Variants in PTPRJ observed in about 807,000 individuals in gnomAD.
PTPRJ encodes protein tyrosine phosphatase receptor type J.
Under a neutral mutation model 141.3 loss-of-function variants are expected in PTPRJ, and 129 were observed. The ratio of observed to expected loss-of-function variants is 0.91; its 90% CI spans 0.79 to 1.06. The LOEUF is 1.06. PTPRJ is among the 50% of genes least tolerant of loss of function. The probability of loss-of-function intolerance (pLI) is 0.00; values close to 1 mark genes in which losing one functional copy is unlikely to be tolerated. For synonymous variants in PTPRJ, 610 were observed against 640.5 expected, an observed-to-expected ratio of 0.95 and a Z score of 0.72; for missense variants, 1,601 against 1,679.7, an observed-to-expected ratio of 0.95 and a Z score of 0.82.
intron 1 of PTPRJ, among the ~76,000 whole-genome samples, chr11:48,011,900 G>A (rs1854802725): frequency 6.6e-6 from 1 of 152,176 alleles, no homozygotes; most frequent in African/African-American, 2.4e-5. Context: ...CTGGGCTCAG[G>A]TGATCCTCCT....
chr11:48,078,121 C>T (rs773301070), intron 1 of PTPRJ, among the ~76,000 whole-genome samples: 3 of 149,334 alleles, frequency 2.0e-5, no homozygotes, highest in African/African-American at 5.0e-5. Context: ...TGCAATGGTG[C>T]GATCTTGGCT....
chr11:47,992,907 G>T (rs1176171167), intron 1 of PTPRJ, among the ~76,000 whole-genome samples: 1 of 152,088 alleles, frequency 6.6e-6, no homozygotes, highest in East Asian at 1.9e-4. Context: ...CTTATCATGG[G>T]TTCACCTGTT....
chr11:48,068,211 T>A (rs1855136342), intron 1 of PTPRJ, among the ~76,000 whole-genome samples: 1 of 152,222 alleles, frequency 6.6e-6, no homozygotes, highest in Non-Finnish European at 1.5e-5. Context: ...ATGAACATTT[T>A]AAAATCAGCT....
intron 1 of PTPRJ, among the ~76,000 whole-genome samples, chr11:48,006,238 G>T (rs767717302): frequency 2.6e-5 from 4 of 152,180 alleles, no homozygotes; most frequent in Non-Finnish European, 4.4e-5. Flanking sequence ...GGAACCTGGG[G>T]CTCTTGTGGC....
intron 1 of PTPRJ, among the ~76,000 whole-genome samples, chr11:47,982,430 A>G (rs1853934855): frequency 6.6e-6 from 1 of 152,180 alleles, no homozygotes; most frequent in Non-Finnish European, 1.5e-5. Context: ...GTAAATATTA[A>G]GGGTTTCCAC....
At chr11:48,073,464 T>G (rs1284852361) in intron 1 of PTPRJ, among the ~76,000 whole-genome samples, 1 of 152,240 alleles carries the variant, frequency 6.6e-6, no homozygotes, top group Non-Finnish European at 1.5e-5. Flanking sequence ...GATGGAGAGA[T>G]AACTGTAAGT....
intron 1 of PTPRJ, among the ~76,000 whole-genome samples, chr11:48,083,988 C>T (rs79090429): frequency 3.3e-5 from 5 of 152,274 alleles, no homozygotes; most frequent in Non-Finnish European, 5.9e-5. Context: ...ATAACCAATG[C>T]ATAAGGCCAC....
At chr11:48,000,509 C>T (rs1231873393) in intron 1 of PTPRJ, among the ~76,000 whole-genome samples, 2 of 152,002 alleles carry the variant, frequency 1.3e-5, no homozygotes, top group Admixed American at 1.3e-4. Context: ...GGCTTCATAT[C>T]GCTGTTAGTA....
In PTPRJ at chr11:48,112,129, A is replaced by G. The variant is rs116526361; in HGVS notation, c.116-618A>G. ...CAGTCATCGCATCCACACTACAGCT[A>G]TAAGAAGGAGGAAGGGCAGAAGGTT... On this transcript the variant is annotated intron_variant, in intron 2 of 24. Transcript: ENST00000418331. 5.6e-3 allele frequency among the ~76,000 whole-genome samples: 849 copies of G among 152,250 alleles called. 11 individuals are homozygous for G. Among genetic ancestry groups the G allele is most frequent in the African/African-American group, 0.02 (821 of 41,546 alleles).
At chr11:48,143,816 C>G (rs1857289534) in intron 12 of PTPRJ, among the ~76,000 whole-genome samples, 1 of 128,162 alleles carries the variant, frequency 7.8e-6, no homozygotes, top group African/African-American at 2.9e-5. Flanking sequence ...TCCTCCTCCC[C>G]TTCTCCTCCC....
At chr11:48,141,291 C>G (rs1857224037) in intron 11 of PTPRJ, among the ~76,000 whole-genome samples, 1 of 151,838 alleles carries the variant, frequency 6.6e-6, no homozygotes, top group African/African-American at 2.4e-5. Context: ...TGTGTTCTTT[C>G]TTTTGTGTTA....
At chr11:48,081,106 G>A (rs999447494) in intron 1 of PTPRJ, among the ~76,000 whole-genome samples, 1 of 152,232 alleles carries the variant, frequency 6.6e-6, no homozygotes, top group Non-Finnish European at 1.5e-5. Flanking sequence ...GAAGCGCCCA[G>A]GTGTTTCTGA....
intron 1 of PTPRJ, among the ~76,000 whole-genome samples, chr11:48,052,512 T>C (rs937313476): frequency 3.3e-5 from 5 of 152,168 alleles, no homozygotes; most frequent in African/African-American, 1.2e-4. Flanking sequence ...AGGGCAGGCA[T>C]TTCCACCTTG....
At chr11:48,046,973 T>C (rs1430736931) in intron 1 of PTPRJ, among the ~76,000 whole-genome samples, 2 of 142,078 alleles carry the variant, frequency 1.4e-5, no homozygotes, top group African/African-American at 2.6e-5. Flanking sequence ...TGGAGCGCAA[T>C]GGTGTGATCT....
Position 47,980,562 on chromosome 11 carries a change from C to T in PTPRJ, c.-351C>T. ...GCTCGCCGCGGCTCCCTGCAGCAGC[C>T]CCAGCCGCATGACGCGCGGAGGAGG... On this transcript the variant is annotated 5_prime_UTR_variant, in exon 1 of 25. Transcript: ENST00000418331. 1 of 982,644 alleles carries T rather than the reference C, an allele frequency of 1.0e-6. No individual in the cohort carries two copies. Among genetic ancestry groups the T allele is most frequent in the Non-Finnish European group, 1.2e-6 (1 of 828,908 alleles). The allele number at this position is 982,644 out of a possible 1,614,324, so 60.9% of individuals were successfully genotyped here. A position where few individuals can be genotyped will look rare whatever the true frequency, so the allele number is the denominator to read the frequency against.
chr11:48,021,443 A>G (rs1027995569), intron 1 of PTPRJ, among the ~76,000 whole-genome samples: 7 of 151,422 alleles, frequency 4.6e-5, no homozygotes, highest in African/African-American at 1.7e-4. Flanking sequence ...AATAAATAAA[A>G]AAAGAGGTTA....
chr11:48,142,997 A>C lies in PTPRJ; in HGVS notation c.2522A>C (p.Glu841Ala). ...GTAAAGGTCAAGTTCAGTGGATTTG[A>C]AGCCAGCCACGGACCCATCAAAGCC... ...NSVKVKFSGFEASHGPIKAYA... is the reference protein window; with the variant it reads ...NSVKVKFSGFAASHGPIKAYA... The change falls in exon 12 of 25, where the codon GAA becomes GCA. Residue 841 changes from glutamate (E) to alanine (A), a missense_variant. Coordinates refer to ENST00000418331, the MANE Select transcript of PTPRJ (RefSeq NM_002843.4). 6.2e-7 allele frequency: 1 copy of C among 1,614,190 alleles called. No individual in the cohort carries two copies. Among genetic ancestry groups the C allele is most frequent in the Non-Finnish European group, 8.5e-7 (1 of 1,180,024 alleles).
chr11:48,085,917 T>C (rs1474408254), intron 1 of PTPRJ, among the ~76,000 whole-genome samples: 1 of 152,184 alleles, frequency 6.6e-6, no homozygotes, highest in Non-Finnish European at 1.5e-5. Context: ...AGTTGCTGTC[T>C]CTGTGCTCCT....
intron 1 of PTPRJ, among the ~76,000 whole-genome samples, chr11:48,056,949 T>A (rs912784687): frequency 1.3e-5 from 2 of 152,166 alleles, no homozygotes; most frequent in African/African-American, 4.8e-5. Flanking sequence ...AGCGAAACTC[T>A]GTCTCAAAAC....
Sources: allele counts gnomAD v4.1 joint callset (sites outside exome capture counted in the v4.1 genomes callset), GRCh38; gene constraint gnomAD v4.1.1; transcripts MANE v1.5; gene names NCBI Gene and HGNC (gene_info 2026-07-23, HGNC 2026-07-21).